The following BCL2L11 variants were observed in gnomAD, a reference collection of about 807,000 sequenced individuals.
The protein encoded by BCL2L11 is bcl-2-like protein 11.
In BCL2L11, 15 loss-of-function variants were observed where a neutral mutation model predicts 20.6. The ratio of observed to expected loss-of-function variants is 0.73; its 90% CI spans 0.49 to 1.12. The LOEUF (loss-of-function observed/expected upper bound fraction) is 1.12. Among genes scored for constraint, BCL2L11 ranks in the 50% most tolerant of loss-of-function variants. BCL2L11 has a pLI of 0.00. For synonymous variants in BCL2L11, 108 were observed against 92.8 expected, an observed-to-expected ratio of 1.16 and a Z score of -0.94; for missense variants, 292 against 260.9, an observed-to-expected ratio of 1.12 and a Z score of -0.82.
rs1447050253 is a variant in BCL2L11, at chr2:111,123,869, G to T, written c.124G>T (p.Gly42Cys). ...TACCTCCCTACAGACAGAGCCACAA[G>T]GTAATCCTGAAGGCAATCACGGAGG... ...APTSLQTEPQ[G>C]NPEGNHGGEG... Residue 42 changes from glycine to cysteine, a missense_variant, in exon 2 of 4, where the codon GGT becomes TGT. Coordinates refer to ENST00000393256, the MANE Select transcript of BCL2L11 (RefSeq NM_138621.5). 3.1e-6 allele frequency: 5 copies of T among 1,603,680 alleles called. No individual in the cohort carries two copies. Among genetic ancestry groups the T allele is most frequent in the Non-Finnish European group, 8.5e-7 (1 of 1,174,936 alleles).
chr2:111,135,740 T>C (rs1342052324), intron 2 of BCL2L11, among the ~76,000 whole-genome samples: 1 of 152,210 alleles, frequency 6.6e-6, no homozygotes, highest in Non-Finnish European at 1.5e-5. Flanking sequence ...TGTTTTGCAC[T>C]GTCTGGTTCA....
rs1181972179 is a variant in BCL2L11, at chr2:111,165,600, C to T, written c.*1369C>T. 3 of 152,126 alleles carry T rather than the reference C, an allele frequency of 2.0e-5. No homozygotes were observed. The highest frequency in any genetic ancestry group is 2.0e-4 in the Admixed American group (3 of 15,270). The allele number at this position is 152,126 out of a possible 1,614,324, so 9.4% of individuals were successfully genotyped here. ...AGGGTGCTCTTTCTCTGTGCCTGCT[C>T]CTTATGAGTGCAGTGGAAGGAAGCC... On this transcript the variant is annotated 3_prime_UTR_variant, in exon 4 of 4. Coordinates refer to ENST00000393256, the MANE Select transcript of BCL2L11 (RefSeq NM_138621.5).
At chr2:111,128,490 T>C (rs920519356) in intron 2 of BCL2L11, 9 of 1,233,262 alleles carry the variant, frequency 7.3e-6, no homozygotes, top group African/African-American at 1.6e-5. Context: ...ATATGGTAAT[T>C]CTATTTTTAA....
At chr2:111,153,640 T>C (rs529503580) in intron 3 of BCL2L11, 39 of 985,968 alleles carry the variant, frequency 4.0e-5, no homozygotes, top group Admixed American at 2.9e-4. Flanking sequence ...CTCACTGTGC[T>C]GCTTTAGGAT....
chr2:111,133,078 T>G (rs928299121), intron 2 of BCL2L11, among the ~76,000 whole-genome samples: 1 of 152,220 alleles, frequency 6.6e-6, no homozygotes, highest in Non-Finnish European at 1.5e-5. Context: ...ACTGAACTTA[T>G]GCAAATAACT....
chr2:111,128,823 A>C (rs2073259820), intron 2 of BCL2L11: 1 of 1,458,342 alleles, frequency 6.9e-7, no homozygotes, highest in Non-Finnish European at 9.0e-7. Context: ...TTGGTGATTA[A>C]ATAAAATGTA....
At chr2:111,152,126 C>T (rs925797823) in intron 3 of BCL2L11, among the ~76,000 whole-genome samples, 1 of 152,166 alleles carries the variant, frequency 6.6e-6, no homozygotes, top group African/African-American at 2.4e-5. Flanking sequence ...CACTCAAGTC[C>T]CGATTCTGGT....
intron 3 of BCL2L11, among the ~76,000 whole-genome samples, chr2:111,160,137 G>GC (rs1030079990): frequency 2.0e-5 from 3 of 152,276 alleles, no homozygotes; most frequent in African/African-American, 7.2e-5. Flanking sequence ...TGCTGCCTCT[G>GC]CCCAGCTTCT....
intron 1 of BCL2L11, chr2:111,123,279 C>T: frequency 5.1e-6 from 5 of 985,500 alleles, no homozygotes; most frequent in Non-Finnish European, 6.0e-6. Context: ...TCAGCATTTT[C>T]GGCAAACAAT....
At chr2:111,140,971 A>G (rs539132755) in intron 2 of BCL2L11, among the ~76,000 whole-genome samples, 6 of 152,310 alleles carry the variant, frequency 3.9e-5, no homozygotes, top group African/African-American at 1.2e-4. Flanking sequence ...TACACTGTAC[A>G]AGGTGTTGAC....
intron 2 of BCL2L11, among the ~76,000 whole-genome samples, chr2:111,134,354 C>T (rs1048495894): frequency 6.6e-6 from 1 of 152,032 alleles, no homozygotes. Context: ...CCAGGTATTA[C>T]AGTATGTGTG....
rs1207603142 is a variant in BCL2L11 at position 111,164,113 on chromosome 2, C to G, written c.499-20C>G. 8.6e-7 allele frequency: 1 copy of G among 1,159,652 alleles called. No individual in the cohort carries two copies. Among genetic ancestry groups the G allele is most frequent in the Admixed American group, 1.8e-5 (1 of 55,154 alleles). 71.8% of individuals were successfully genotyped at this position (1,159,652 alleles called of 1,614,324 possible). On this transcript the variant is annotated intron_variant, in intron 3 of 3. Coordinates refer to ENST00000393256, the MANE Select transcript of BCL2L11 (RefSeq NM_138621.5). ...CCCAAATTAGGGAGAAACTAAGAAG[C>G]TTTCCTTTTGTTGTTTCAGGTATTT...
At position 111,149,936 on chromosome 2, in the gene BCL2L11, T is replaced by C; in HGVS notation, c.395-108T>C. 3.5e-6 allele frequency: 3 copies of C among 849,866 alleles called. 1 individual carries two copies. The highest frequency in any genetic ancestry group is 2.7e-5 in the East Asian group (1 of 36,460). 52.6% of individuals were successfully genotyped at this position (849,866 alleles called of 1,614,324 possible). On this transcript the variant is annotated intron_variant, in intron 2 of 3. Coordinates refer to ENST00000393256, the MANE Select transcript of BCL2L11 (RefSeq NM_138621.5). Reference sequence around the variant, plus strand: ...GTTGAAGTCAGGGAGCTCCCAGAAATGTGAAAGAGTGTGTGAGATGGGCTT... The same window carrying C: ...GTTGAAGTCAGGGAGCTCCCAGAAACGTGAAAGAGTGTGTGAGATGGGCTT...
chr2:111,124,325 C>G (rs1014598285), intron 2 of BCL2L11, among the ~76,000 whole-genome samples, 186 bp downstream of exon 2: 5 of 149,892 alleles, frequency 3.3e-5, no homozygotes, highest in Non-Finnish European at 5.9e-5. Flanking sequence ...GAGTCTTGCT[C>G]TGTCGCCCAG....
intron 2 of BCL2L11, chr2:111,142,490 T>C (rs967463037): frequency 4.4e-6 from 4 of 905,076 alleles, no homozygotes; most frequent in Non-Finnish European, 7.0e-6. Flanking sequence ...AGCCCTACAG[T>C]GTGTTATCAA....
chr2:111,164,006 G>T, intron 3 of BCL2L11, 127 bp from the exon 4 acceptor site: 1 of 657,650 alleles, frequency 1.5e-6, no homozygotes. Flanking sequence ...TTGTGACACA[G>T]TGCTCTTGAA....
chr2:111,164,196 C>G lies in BCL2L11; in HGVS notation c.562C>G (p.Arg188Gly), dbSNP rs765527733. The G allele has an allele frequency of 4.3e-6, 7 of 1,611,756 alleles. No individual in the cohort carries two copies. The highest frequency in any genetic ancestry group is 2.7e-5 in the African/African-American group (2 of 74,814). Reference protein sequence around the residue: ...HPRMVILRLLRYIVRLVWRMH With the variant: ...HPRMVILRLLGYIVRLVWRMH ...ACGAATGGTTATCTTACGACTGTTA[C>G]GTTACATTGTCCGCCTGGTGTGGAG... The change falls in exon 4 of 4, where the codon CGT (arginine) becomes GGT (glycine). Residue 188 changes from arginine (R) to glycine (G), a missense_variant. Physicochemically the swap from Arg to Gly is moderately radical, Grantham distance 125. Coordinates refer to ENST00000393256, the MANE Select transcript of BCL2L11 (RefSeq NM_138621.5).
In BCL2L11 at chr2:111,130,932, T is replaced by C. The variant is rs993918416; in HGVS notation, c.394+6793T>C. On this transcript the variant is annotated intron_variant, in intron 2 of 3. Transcript: ENST00000393256. ...TTCCATTGATTTGCAATGTTAAGTCTCTCTTGGATGTCTGAGACAAATCCT... is the reference window on the plus strand; with the variant it reads ...TTCCATTGATTTGCAATGTTAAGTCCCTCTTGGATGTCTGAGACAAATCCT... Among the ~76,000 whole-genome samples the C allele has an allele frequency of 1.1e-4, 17 of 152,184 alleles. No individual in the cohort carries two copies. In the South Asian group the frequency reaches 3.5e-3, roughly 32 times the overall value.
intron 2 of BCL2L11, among the ~76,000 whole-genome samples, chr2:111,147,571 T>G (rs914861181): frequency 6.6e-6 from 1 of 152,218 alleles, no homozygotes; most frequent in South Asian, 2.1e-4. Flanking sequence ...AATTGGCTAA[T>G]TTGTTAAAAG....
Sources: allele counts gnomAD v4.1 joint callset (sites outside exome capture counted in the v4.1 genomes callset), GRCh38; gene constraint gnomAD v4.1.1; transcripts MANE v1.5; gene names NCBI Gene and HGNC (gene_info 2026-07-23, HGNC 2026-07-21).